The following ARHGAP9 variants were observed in gnomAD, a reference collection of about 807,000 sequenced individuals.
The protein encoded by ARHGAP9 is Rho GTPase activating protein 9.
Under a neutral mutation model 87.3 loss-of-function variants are expected in ARHGAP9, and 76 were observed. The ratio of observed to expected loss-of-function variants is 0.87; its 90% CI spans 0.72 to 1.05. The LOEUF (loss-of-function observed/expected upper bound fraction) is 1.05, where lower values mean the gene tolerates loss of function less well. Ranked by LOEUF, ARHGAP9 falls within the 50% of genes least tolerant of loss-of-function variation. The pLI, the probability that ARHGAP9 is intolerant of heterozygous loss-of-function variation, is 0.00. For synonymous variants in ARHGAP9, 382 were observed against 394.9 expected, an observed-to-expected ratio of 0.97 and a Z score of 0.39; for missense variants, 941 against 960.5, an observed-to-expected ratio of 0.98 and a Z score of 0.27.
At chr12:57,481,950 A>T (rs1016412417), upstream of ARHGAP9, among the ~76,000 whole-genome samples, 2 of 152,102 alleles carry the variant, frequency 1.3e-5, no homozygotes. Flanking sequence ...GCTGCTAAGG[A>T]CTGTATCTCA....
rs755254490 is a variant in ARHGAP9, at chr12:57,476,402, A to G, written c.1078T>C (p.Tyr360His). The G allele has an allele frequency of 1.9e-6, 3 of 1,614,086 alleles. No individual in the cohort carries two copies. Among genetic ancestry groups the G allele is most frequent in the Non-Finnish European group, 1.7e-6 (2 of 1,180,024 alleles). Residue 360 changes from tyrosine (Y) to histidine (H), a missense_variant, in exon 8 of 18, where the codon TAC becomes CAC. Tyr to His is a moderately conservative substitution (Grantham distance 83). Transcript: ENST00000393791. ...VVLTGNSLVF[Y>H]REPPPTAPSS... The stretch of plus-strand genomic sequence containing the variant: ...GGCGCTGTCGGCGGTGGCTCTCGGT[A>G]GAACACCAGGCTGTTACCCGTTAAC...
At position 57,486,276 on chromosome 12, in the gene ARHGAP9, T is replaced by TTC. The variant is rs1410318968; in HGVS notation, c.-203-2314_-203-2313insGA. ...ACTCTTAGCCATCTTGAATCTCAAT[T>TTC]TTTTTTTTTTTGAGACGAAGTCTTG... On this transcript the variant is annotated intron_variant, in intron 1 of 20. Coordinates refer to the ARHGAP9 transcript ENST00000393797. 2.0e-5 allele frequency among the ~76,000 whole-genome samples: 3 copies of TTC among 149,688 alleles called. No homozygotes were observed. The East Asian group carries it at 5.8e-4, about 29-fold the overall frequency.
chr12:57,474,060 G>C lies in ARHGAP9; in HGVS notation c.1900C>G (p.His634Asp), dbSNP rs1872730490. Residue 634 changes from histidine (H) to aspartate (D), a missense_variant, in exon 16 of 18, where the codon CAT becomes GAT. Transcript: ENST00000393791. Reference protein sequence around the residue: ...QPLVPPLLLPHFRAALALSES... With the variant: ...QPLVPPLLLPDFRAALALSES... Reference sequence around the variant, plus strand: ...CCCTTACCAAGGGCAGCACGGAAATGGGGCAGCAGCAGTGGTGGCACCAGA... The same window carrying C: ...CCCTTACCAAGGGCAGCACGGAAATCGGGCAGCAGCAGTGGTGGCACCAGA... 14 of 1,613,844 alleles carry C rather than the reference G, an allele frequency of 8.7e-6. No individual in the cohort carries two copies. Among genetic ancestry groups the C allele is most frequent in the Non-Finnish European group, 1.2e-5 (14 of 1,179,924 alleles).
rs1055801094 is a variant in ARHGAP9 at position 57,476,169 on chromosome 12, GA to G, written c.1117-4del. 20 of 1,536,322 alleles carry G rather than the reference GA, an allele frequency of 1.3e-5. No individual in the cohort carries two copies. The Admixed American group carries it at 3.3e-4, about 25-fold the overall frequency. On this transcript the variant is annotated splice_region_variant and splice_polypyrimidine_tract_variant and intron_variant, in intron 8 of 17. Transcript: ENST00000393791. ...TCGGGCCGGCTACCCGCTGGTCCCT[GA>G]CAATGAGGGAGGAAACTGAGGCCAC...
At chr12:57,478,976 G>A in intron 2 of ARHGAP9, 115 bp downstream of exon 2, 1 of 1,350,280 alleles carries the variant, frequency 7.4e-7, no homozygotes, top group Non-Finnish European at 1.0e-6. Context: ...AACAAGAGAA[G>A]ATGGTTAGCA....
At chr12:57,476,318 G>T in intron 8 of ARHGAP9, 46 bp downstream of exon 8, 2 of 1,598,200 alleles carry the variant, frequency 1.3e-6, no homozygotes, top group South Asian at 1.1e-5. Context: ...GGCGTGAGGC[G>T]GTAGGCAGCG....
At chr12:57,487,891 A>T (rs1875554155) in intron 1 of ARHGAP9, 1 of 524,114 alleles carries the variant, frequency 1.9e-6, no homozygotes, top group Middle Eastern at 4.9e-4. Flanking sequence ...TCTAGCCCGC[A>T]TCTGCGGCCT....
At chr12:57,476,676 T>C in intron 6 of ARHGAP9, 25 bp from the exon 7 acceptor site, 1 of 1,568,872 alleles carries the variant, frequency 6.4e-7, no homozygotes, top group African/African-American at 1.4e-5. Context: ...GAATGGGATC[T>C]GTAAGTCACC....
At chr12:57,483,913 C>T, upstream of ARHGAP9, 1 of 454,080 alleles carries the variant, frequency 2.2e-6, no homozygotes, top group Middle Eastern at 5.1e-4. Flanking sequence ...GCTGGCCCAG[C>T]TACTGTAGTC....
upstream of ARHGAP9, chr12:57,480,793 T>G: frequency 6.4e-7 from 1 of 1,550,532 alleles, no homozygotes; most frequent in Non-Finnish European, 8.7e-7. Context: ...CACTCCTCTT[T>G]TCCTCTTCTC....
At chr12:57,486,695 C>G (rs2139987979) in intron 1 of ARHGAP9, among the ~76,000 whole-genome samples, 1 of 148,694 alleles carries the variant, frequency 6.7e-6, no homozygotes, top group South Asian at 2.2e-4. Flanking sequence ...ACCATCCTGG[C>G]TAACACGGTG....
At chr12:57,479,542 G>A (rs1288292054) in intron 1 of ARHGAP9, 118 bp from the exon 2 acceptor site, 3 of 1,492,374 alleles carry the variant, frequency 2.0e-6, no homozygotes, top group Non-Finnish European at 2.7e-6. Flanking sequence ...CCCTTGAGTT[G>A]GGGGAGAGGG....
At position 57,485,374 on chromosome 12, in the gene ARHGAP9, G is replaced by A. The variant is rs539641960; in HGVS notation, c.-203-1411C>T. ...AGTTTGAGACCAGCCTGGCCAACAT[G>A]ATGAAACCCCGTCTTTACTAAAAAT... On this transcript the variant is annotated intron_variant, in intron 1 of 20. Coordinates refer to the ARHGAP9 transcript ENST00000393797. 1.7e-3 allele frequency among the ~76,000 whole-genome samples: 255 copies of A among 151,650 alleles called. 1 individual carries two copies. The highest frequency in any genetic ancestry group is 2.5e-3 in the Non-Finnish European group (171 of 67,868).
chr12:57,476,628 G>A lies in ARHGAP9; in HGVS notation c.987C>T (p.Leu329=). The A allele has an allele frequency of 6.2e-7, 1 of 1,614,090 alleles. No individual in the cohort carries two copies. The stretch of plus-strand genomic sequence containing the variant: ...CCCCTTGGGCAATCTTGGTCATGTT[G>A]AGCAGACCCGACTTTTCCACCTCCT... ...DPHEVEKSGL[L]NMTKIAQGGR... is the part of the protein sequence containing the mutation. The change falls in exon 7 of 18, where the codon CTC becomes CTT. Residue 329 remains leucine, a synonymous_variant. Transcript: ENST00000393791.
upstream of ARHGAP9, chr12:57,480,884 G>A (rs1874940183): frequency 6.6e-7 from 1 of 1,510,968 alleles, no homozygotes; most frequent in African/African-American, 1.4e-5. Flanking sequence ...CCTCCCCACT[G>A]GTGATATCAG....
Position 57,473,682 on chromosome 12 carries a change from A to G in ARHGAP9, c.1945T>C (p.Ser649Pro). 1 of 1,614,042 alleles carries G rather than the reference A, an allele frequency of 6.2e-7. No homozygotes were observed. Among genetic ancestry groups the G allele is most frequent in the Non-Finnish European group, 8.5e-7 (1 of 1,179,926 alleles). ...LALSESEQCL[S>P]QIQELIGSMP... ...GAGCCTATTAATTCTTGTATCTGAG[A>G]GAGGCACTGCTCTGATTCGGAGAGT... The change falls in exon 17 of 18, where the codon TCT becomes CCT. Residue 649 changes from serine (S) to proline (P), a missense_variant. Coordinates refer to ENST00000393791, the MANE Select transcript of ARHGAP9 (RefSeq NM_032496.4).
chr12:57,473,554 C>T (rs1180805289), intron 17 of ARHGAP9, 49 bp downstream of exon 17: 1 of 1,541,850 alleles, frequency 6.5e-7, no homozygotes. Flanking sequence ...TGTGGCATTC[C>T]CCACTCCACC....
chr12:57,481,554 C>T (rs898123510), upstream of ARHGAP9, among the ~76,000 whole-genome samples: 1 of 152,208 alleles, frequency 6.6e-6, no homozygotes, highest in South Asian at 2.1e-4. Context: ...TCCAGCCTCT[C>T]TCTTTCTTTT....
In ARHGAP9 at chr12:57,488,715, T is replaced by G; in HGVS notation, c.-307A>C. The G allele has an allele frequency of 2.1e-6, 3 of 1,440,686 alleles. No homozygotes were observed. In the South Asian group the frequency reaches 3.7e-5, roughly 18 times the overall value. 89.2% of individuals were successfully genotyped at this position (1,440,686 alleles called of 1,614,324 possible). On this transcript the variant is annotated 5_prime_UTR_variant, in exon 1 of 21. Transcript: ENST00000393797. ...TTCTCCCACTGTGACCTTCAGATAA[T>G]TATGAAGATATCCCAGTTACTTTCA...
Sources: gnomAD v4.1 joint callset for allele counts (sites outside exome capture counted in the v4.1 genomes callset) on GRCh38, gnomAD v4.1.1 for gene constraint, MANE v1.5 for transcripts, NCBI Gene and HGNC (gene_info 2026-07-23, HGNC 2026-07-21) for gene names.